WWOX: variants seen among roughly 807,000 people sequenced by gnomAD.
The protein encoded by WWOX is WW domain-containing oxidoreductase.
A neutral mutation model predicts 46.2 loss-of-function variants in WWOX; 69 were observed. The ratio of observed to expected loss-of-function variants is 1.49; its 90% CI spans 1.23 to 1.82. The LOEUF is 1.82. WWOX is among the 40% of genes most tolerant of loss of function. The pLI is 0.00. For synonymous variants in WWOX, 359 were observed against 202.6 expected (o/e 1.77, Z -6.56); for missense variants, 919 against 542.6 (o/e 1.69, Z -6.89).
Position 78,140,973 on chromosome 16 carries a change from A to G in WWOX, c.410-23210A>G, listed in dbSNP as rs113404226. Among the ~76,000 whole-genome samples the G allele has an allele frequency of 1.2e-3, 189 of 152,290 alleles. 1 individual carries two copies. Among genetic ancestry groups the G allele is most frequent in the African/African-American group, 4.3e-3 (180 of 41,554 alleles). ...GTATGTAACTCAGCTCTGCTCTAGG[A>G]CCTGGTGATTACAGCAGTGAACAAA... On this transcript the variant is annotated intron_variant, in intron 4 of 8. Coordinates refer to ENST00000566780, the MANE Select transcript of WWOX (RefSeq NM_016373.4).
intron 8 of WWOX, among the ~76,000 whole-genome samples, chr16:78,540,689 A>G (rs2043870404): frequency 6.7e-6 from 1 of 150,204 alleles, no homozygotes; most frequent in Admixed American, 6.6e-5. Context: ...TCTAGTGGAT[A>G]TTTTGTTAAA....
chr16:78,561,545 C>T (rs750723914), intron 8 of WWOX, among the ~76,000 whole-genome samples: 7 of 151,584 alleles, frequency 4.6e-5, no homozygotes, highest in Non-Finnish European at 8.8e-5. Context: ...ACCGGGAATC[C>T]GGGAGGCCAA....
chr16:79,181,584 C>G (rs1302116397), intron 8 of WWOX, among the ~76,000 whole-genome samples: 1 of 151,946 alleles, frequency 6.6e-6, no homozygotes, highest in Non-Finnish European at 1.5e-5. Context: ...GCTGGAAGCA[C>G]TTCATCATAT....
At chr16:78,920,965 A>T (rs2045364641) in intron 8 of WWOX, among the ~76,000 whole-genome samples, 1 of 152,120 alleles carries the variant, frequency 6.6e-6, no homozygotes, top group Admixed American at 6.5e-5. Flanking sequence ...TTCTGCAAAT[A>T]CCAGCAGCAA....
chr16:79,123,314 T>C (rs1321788882), intron 8 of WWOX, among the ~76,000 whole-genome samples: 2 of 152,104 alleles, frequency 1.3e-5, no homozygotes, highest in African/African-American at 2.4e-5. Context: ...ATTACCAACG[T>C]AGGCGTGATC....
intron 5 of WWOX, among the ~76,000 whole-genome samples, chr16:78,239,124 G>A (rs2037541047): frequency 6.6e-6 from 1 of 152,092 alleles, no homozygotes; most frequent in Non-Finnish European, 1.5e-5. Flanking sequence ...ACTGTGTCTG[G>A]TGCTCACCCA....
chr16:78,499,705 A>T (rs555970871), intron 8 of WWOX, among the ~76,000 whole-genome samples: 35 of 151,788 alleles, frequency 2.3e-4, no homozygotes, highest in Non-Finnish European at 4.4e-4. Context: ...ACCATGTCTT[A>T]TTTTTTTTAA....
intron 8 of WWOX, among the ~76,000 whole-genome samples, chr16:78,797,550 G>A (rs552313768): frequency 1.3e-5 from 2 of 152,210 alleles, no homozygotes; most frequent in African/African-American, 4.8e-5. Context: ...TCCAACTCCA[G>A]TCTGGCTGCT....
At position 78,393,972 on chromosome 16, in the gene WWOX, G is replaced by A. The variant is rs1283454799; in HGVS notation, c.605+7024G>A. ...TTCTGCTAAATTACTTTCAGAACTT[G>A]AATCTACTAATCCCAGATATAATAT... On this transcript the variant is annotated intron_variant, in intron 6 of 8. Coordinates refer to ENST00000566780, the MANE Select transcript of WWOX (RefSeq NM_016373.4). 2.6e-5 allele frequency among the ~76,000 whole-genome samples: 4 copies of A among 152,158 alleles called. No homozygotes were observed. In the East Asian group the frequency reaches 7.7e-4, roughly 29 times the overall value.
intron 8 of WWOX, chr16:78,896,600 A>G (rs1171354704): frequency 6.6e-6 from 1 of 152,184 alleles, no homozygotes; most frequent in Non-Finnish European, 1.5e-5. Flanking sequence ...CTCTCTTTCC[A>G]CAAAGCTTGA....
chr16:78,777,618 G>C (rs768181930), intron 8 of WWOX, among the ~76,000 whole-genome samples: 3 of 152,090 alleles, frequency 2.0e-5, no homozygotes, highest in Admixed American at 6.5e-5. Context: ...TGCTGAGAAA[G>C]CTAATTTTTG....
intron 8 of WWOX, among the ~76,000 whole-genome samples, chr16:79,023,792 C>CCCCATCTCTACTAAAAATACAA (rs112007716): frequency 2.1e-5 from 3 of 141,230 alleles, no homozygotes; most frequent in Admixed American, 7.0e-5. Flanking sequence ...ACTAAAAATA[C>CCCCATCTCTACTAAAAATACAA]AAAAAAAAAA....
At chr16:78,816,836 C>G (rs1178042824) in intron 8 of WWOX, among the ~76,000 whole-genome samples, 1 of 152,124 alleles carries the variant, frequency 6.6e-6, no homozygotes, top group Non-Finnish European at 1.5e-5. Context: ...AAGTACTCAT[C>G]TGTGTAATCT....
At chr16:78,701,939 C>A (rs968970494) in intron 8 of WWOX, among the ~76,000 whole-genome samples, 1 of 146,400 alleles carries the variant, frequency 6.8e-6, no homozygotes, top group Non-Finnish European at 1.5e-5. Context: ...AATCCCAGAA[C>A]ACTGGGAGGC....
intron 8 of WWOX, among the ~76,000 whole-genome samples, chr16:79,168,416 G>C (rs2050636130): frequency 6.6e-6 from 1 of 152,176 alleles, no homozygotes; most frequent in South Asian, 2.1e-4. Context: ...TCTGCAGAAA[G>C]AGTTAAGGAG....
At chr16:78,870,105 C>T (rs536860169) in intron 8 of WWOX, among the ~76,000 whole-genome samples, 3 of 152,252 alleles carry the variant, frequency 2.0e-5, no homozygotes, top group East Asian at 3.9e-4. Flanking sequence ...AAGGCCAGGC[C>T]TAAGTGCTCT....
At chr16:79,129,986 G>C (rs906748904) in intron 8 of WWOX, among the ~76,000 whole-genome samples, 1 of 152,122 alleles carries the variant, frequency 6.6e-6, no homozygotes, top group African/African-American at 2.4e-5. Flanking sequence ...GTAAAATAGA[G>C]GTAATAAAAA....
At chr16:78,827,011 G>A (rs900114203) in intron 8 of WWOX, among the ~76,000 whole-genome samples, 6 of 152,098 alleles carry the variant, frequency 3.9e-5, no homozygotes, top group Admixed American at 2.0e-4. Context: ...TTTCCTCCCC[G>A]TGTCGCTTTC....
chr16:78,537,823 G>A (rs1261260944), intron 8 of WWOX, among the ~76,000 whole-genome samples: 4 of 152,086 alleles, frequency 2.6e-5, no homozygotes, highest in Admixed American at 6.6e-5. Flanking sequence ...GGGCCAGAAC[G>A]ATCCACCCAC....
Sources: gnomAD v4.1 joint callset for allele counts (sites outside exome capture counted in the v4.1 genomes callset) on GRCh38, gnomAD v4.1.1 for gene constraint, MANE v1.5 for transcripts, NCBI Gene and HGNC (gene_info 2026-07-23, HGNC 2026-07-21) for gene names.